ARB2A: variants seen among roughly 807,000 people sequenced by gnomAD.
ARB2A encodes cotranscriptional regulator ARB2A.
chr5:93,798,405 C>T, the ARB2A span, among the ~76,000 whole-genome samples: 2 of 152,008 alleles, frequency 1.3e-5, no homozygotes, highest in African/African-American at 4.8e-5. Context: ...TAATTGATGC[C>T]ACTTTTTATT....
chr5:93,904,137 A>T, the ARB2A span, among the ~76,000 whole-genome samples: 1 of 151,938 alleles, frequency 6.6e-6, no homozygotes, highest in Non-Finnish European at 1.5e-5. Context: ...GTATAGACTA[A>T]AGGGAATAGC....
the ARB2A span, among the ~76,000 whole-genome samples, chr5:93,871,879 T>A: frequency 6.6e-6 from 1 of 151,996 alleles, no homozygotes; most frequent in Non-Finnish European, 1.5e-5. Context: ...GAAAAGACCT[T>A]ACTCTGCCAT....
chr5:93,831,542 T>C, the ARB2A span, among the ~76,000 whole-genome samples: 22 of 152,178 alleles, frequency 1.4e-4, no homozygotes, highest in Admixed American at 1.1e-3. Context: ...ACACAAAGCC[T>C]AAAAGCAAGG....
the ARB2A span, among the ~76,000 whole-genome samples, chr5:94,058,379 T>C: frequency 6.6e-6 from 1 of 151,974 alleles, no homozygotes; most frequent in Non-Finnish European, 1.5e-5. Context: ...GTAAAAATCA[T>C]GATCCATAAA....
chr5:93,731,370 C>A, the ARB2A span, among the ~76,000 whole-genome samples: 1 of 152,120 alleles, frequency 6.6e-6, no homozygotes, highest in Admixed American at 6.5e-5. Context: ...CAGCCATTTA[C>A]AAGCCAAGGA....
chr5:93,729,173 G>A, the ARB2A span, among the ~76,000 whole-genome samples: 7 of 151,712 alleles, frequency 4.6e-5, no homozygotes, highest in Admixed American at 1.3e-4. Flanking sequence ...GTTGTTCCCC[G>A]TTCTTAAGAA....
the ARB2A span, among the ~76,000 whole-genome samples, chr5:93,716,544 A>G: frequency 6.6e-6 from 1 of 152,218 alleles, no homozygotes; most frequent in African/African-American, 2.4e-5. Flanking sequence ...ATTTTAATTG[A>G]TTAAGTCATA....
At chr5:93,655,798 C>T in the ARB2A span, among the ~76,000 whole-genome samples, 76 of 152,346 alleles carry the variant, frequency 5.0e-4, no homozygotes, top group African/African-American at 1.2e-3. Flanking sequence ...AATGGAAGGG[C>T]CACATATGAC....
the ARB2A span, among the ~76,000 whole-genome samples, chr5:93,917,807 G>A: frequency 6.6e-6 from 1 of 152,136 alleles, no homozygotes; most frequent in African/African-American, 2.4e-5. Flanking sequence ...TCACCGAAAT[G>A]TTTGAGGTAG....
the ARB2A span, among the ~76,000 whole-genome samples, chr5:93,856,341 T>C: frequency 2.6e-5 from 4 of 152,330 alleles, no homozygotes; most frequent in South Asian, 8.3e-4. Flanking sequence ...CTTGCTAGAT[T>C]GGGGAAGTTC....
At chr5:93,828,497 C>T in the ARB2A span, among the ~76,000 whole-genome samples, 1 of 152,148 alleles carries the variant, frequency 6.6e-6, no homozygotes, top group Non-Finnish European at 1.5e-5. Context: ...GATCCTGCCA[C>T]CGTCTCTCAA....
At chr5:93,950,141 C>T in the ARB2A span, among the ~76,000 whole-genome samples, 1 of 152,138 alleles carries the variant, frequency 6.6e-6, no homozygotes, top group Non-Finnish European at 1.5e-5. Context: ...GTTTCCAAAT[C>T]TTGGCTATTG....
the ARB2A span, chr5:93,741,334 G>C: frequency 9.3e-6 from 15 of 1,612,484 alleles, no homozygotes; most frequent in South Asian, 1.7e-4. Context: ...CCTGCAGGGT[G>C]CTATCCAGCC....
the ARB2A span, among the ~76,000 whole-genome samples, chr5:94,014,870 G>T: frequency 2.0e-5 from 3 of 146,618 alleles, no homozygotes; most frequent in East Asian, 6.0e-4. Context: ...AAAATGAAAA[G>T]GCATGAAGAC....
the ARB2A span, among the ~76,000 whole-genome samples, chr5:93,955,923 A>T: frequency 6.6e-6 from 1 of 152,222 alleles, no homozygotes; most frequent in Admixed American, 6.5e-5. Context: ...GGAAATGCCT[A>T]AAAAGGTGTA....
chr5:94,007,547 C>G, the ARB2A span, among the ~76,000 whole-genome samples: 2 of 152,016 alleles, frequency 1.3e-5, no homozygotes, highest in Non-Finnish European at 2.9e-5. Flanking sequence ...CCAAGGCGGG[C>G]AGATCACTTG....
chr5:93,780,117 T>C, the ARB2A span, among the ~76,000 whole-genome samples: 4,322 of 152,308 alleles, frequency 0.028, 189 homozygotes, highest in African/African-American at 0.099. Flanking sequence ...ATTGCATTTG[T>C]CTGAGTTGTA....
At chr5:93,738,613 A>G in the ARB2A span, 2 of 152,262 alleles carry the variant, frequency 1.3e-5, no homozygotes, top group African/African-American at 4.8e-5. Context: ...ATACAATGGA[A>G]TATTATTCAG....
chr5:93,885,680 A>G, the ARB2A span, among the ~76,000 whole-genome samples: 1 of 151,602 alleles, frequency 6.6e-6, no homozygotes, highest in East Asian at 1.9e-4. Context: ...TTATATCTTT[A>G]ATTCATCTCA....
Sources: gnomAD v4.1 joint callset for allele counts (sites outside exome capture counted in the v4.1 genomes callset) on GRCh38, gnomAD v4.1.1 for gene constraint, MANE v1.5 for transcripts, NCBI Gene and HGNC (gene_info 2026-07-23, HGNC 2026-07-21) for gene names.